METTL15: variants seen among roughly 807,000 people sequenced by gnomAD.
The protein encoded by METTL15 is 12S rRNA N(4)-cytidine methyltransferase METTL15.
A neutral mutation model predicts 38.3 loss-of-function variants in METTL15; 34 were observed. The ratio of observed to expected loss-of-function variants is 0.89; its 90% CI spans 0.68 to 1.18. The LOEUF (loss-of-function observed/expected upper bound fraction) is 1.18. Among genes scored for constraint, METTL15 ranks in the 50% most tolerant of loss-of-function variants. The pLI, the probability that METTL15 is intolerant of heterozygous loss-of-function variation, is 0.00. For missense variants in METTL15, 438 were observed against 498.4 expected (o/e 0.88, Z 1.15); for synonymous variants, 162 against 170.9 (o/e 0.95, Z 0.41).
intron 4 of METTL15, among the ~76,000 whole-genome samples, chr11:28,214,680 A>C (rs1230281135): frequency 6.6e-6 from 1 of 152,208 alleles, no homozygotes; most frequent in Non-Finnish European, 1.5e-5. Flanking sequence ...ATTTAAGACA[A>C]AATTAGGATG....
chr11:28,334,590 T>C (rs559806044), downstream of METTL15, among the ~76,000 whole-genome samples: 14 of 152,204 alleles, frequency 9.2e-5, 1 homozygote, highest in South Asian at 2.9e-3. Flanking sequence ...TTGATGTTGA[T>C]TGAAGTATGG....
chr11:28,316,627 C>A (rs745508502), intron 6 of METTL15, among the ~76,000 whole-genome samples: 13 of 152,100 alleles, frequency 8.5e-5, no homozygotes, highest in South Asian at 2.1e-4. Context: ...GGTGGAATGA[C>A]ATGGTTTGGC....
intron 3 of METTL15, chr11:28,134,457 A>C (rs1849448844): frequency 2.5e-6 from 1 of 397,908 alleles, no homozygotes; most frequent in Admixed American, 4.4e-5. Context: ...CCTTATCTGC[A>C]CAAAACATGG....
chr11:28,173,042 A>G (rs777754785), intron 3 of METTL15, among the ~76,000 whole-genome samples: 2 of 152,226 alleles, frequency 1.3e-5, no homozygotes, highest in Non-Finnish European at 1.5e-5. Context: ...ATAGTAACTG[A>G]TGAAAAGTCT....
chr11:28,256,970 A>G (rs1179365301), intron 4 of METTL15, among the ~76,000 whole-genome samples: 1 of 152,078 alleles, frequency 6.6e-6, no homozygotes, highest in East Asian at 1.9e-4. Flanking sequence ...GCCATTTAGG[A>G]GTATATTTTG....
intron 4 of METTL15, among the ~76,000 whole-genome samples, chr11:28,248,364 C>T (rs1467064806): frequency 6.6e-6 from 1 of 152,020 alleles, no homozygotes; most frequent in Non-Finnish European, 1.5e-5. Context: ...TTTGGCTGAC[C>T]TAATTGGTTT....
intron 6 of METTL15, among the ~76,000 whole-genome samples, chr11:28,431,883 C>T (rs149998270): frequency 6.8e-6 from 1 of 147,866 alleles, no homozygotes; most frequent in African/African-American, 2.5e-5. Flanking sequence ...GAAAACTATA[C>T]TCACACTCCA....
intron 4 of METTL15, among the ~76,000 whole-genome samples, chr11:28,234,039 G>A (rs1479517157): frequency 3.4e-5 from 5 of 149,142 alleles, no homozygotes; most frequent in South Asian, 4.2e-4. Flanking sequence ...CCACCTATGA[G>A]TGAGAATATA....
intron 4 of METTL15, among the ~76,000 whole-genome samples, chr11:28,230,350 G>A (rs564921793): frequency 6.6e-6 from 1 of 151,790 alleles, no homozygotes; most frequent in South Asian, 2.1e-4. Flanking sequence ...GAAAGTCAAC[G>A]TGTATATTTG....
At chr11:28,211,282 T>G in intron 4 of METTL15, 84 bp downstream of exon 4, 3 of 1,252,312 alleles carry the variant, frequency 2.4e-6, no homozygotes, top group Non-Finnish European at 3.3e-6. Context: ...TTGTTCTGCT[T>G]TGCATGGGCT....
chr11:28,529,106 T>C (rs1210820971), downstream of METTL15, among the ~76,000 whole-genome samples: 8 of 152,132 alleles, frequency 5.3e-5, no homozygotes, highest in Non-Finnish European at 1.0e-4. Flanking sequence ...TCTGCTTACG[T>C]TGAGAAGAGA....
At chr11:28,218,893 A>C (rs1338769081) in intron 4 of METTL15, among the ~76,000 whole-genome samples, 1 of 152,216 alleles carries the variant, frequency 6.6e-6, no homozygotes. Context: ...GCAGCCTTGC[A>C]TCCCAGGGAT....
chr11:28,333,694 G>A (rs1361946560), downstream of METTL15, among the ~76,000 whole-genome samples: 1 of 151,494 alleles, frequency 6.6e-6, no homozygotes, highest in Non-Finnish European at 1.5e-5. Context: ...GAAGTTTCTA[G>A]GGGTGTTCTT....
chr11:28,517,254 G>C (rs1851727044), intron 6 of METTL15: 1 of 151,484 alleles, frequency 6.6e-6, no homozygotes, highest in African/African-American at 2.4e-5. Context: ...CTTGGCCGTT[G>C]AACAGCTAAG....
intron 6 of METTL15, among the ~76,000 whole-genome samples, chr11:28,499,068 G>A (rs1055872925): frequency 1.3e-5 from 2 of 152,186 alleles, no homozygotes; most frequent in South Asian, 4.1e-4. Flanking sequence ...GGTGTGAGGA[G>A]TAAATGAGAT....
intron 6 of METTL15, among the ~76,000 whole-genome samples, chr11:28,301,720 T>G (rs935862579): frequency 6.6e-6 from 1 of 152,150 alleles, no homozygotes. Context: ...GCTTTTTAAA[T>G]GTGGCTATAG....
chr11:28,251,820 C>T (rs1854757165), intron 4 of METTL15, among the ~76,000 whole-genome samples: 1 of 152,008 alleles, frequency 6.6e-6, no homozygotes, highest in Admixed American at 6.6e-5. Context: ...CCCATGGGGA[C>T]CTCCCACCTC....
At chr11:28,506,561 G>A (rs1851628686) in intron 6 of METTL15, among the ~76,000 whole-genome samples, 1 of 152,026 alleles carries the variant, frequency 6.6e-6, no homozygotes, top group South Asian at 2.1e-4. Flanking sequence ...CAATATTTAT[G>A]CCTAACCCAA....
At chr11:28,119,994 C>T (rs1443210140) in intron 3 of METTL15, among the ~76,000 whole-genome samples, 1 of 152,178 alleles carries the variant, frequency 6.6e-6, no homozygotes, top group Non-Finnish European at 1.5e-5. Context: ...CTCTGTCGCC[C>T]AGGCTGGAGT....
Sources: gnomAD v4.1 joint callset for allele counts (sites outside exome capture counted in the v4.1 genomes callset) on GRCh38, gnomAD v4.1.1 for gene constraint, MANE v1.5 for transcripts, NCBI Gene and HGNC (gene_info 2026-07-23, HGNC 2026-07-21) for gene names.